Variants in DRC9 observed in about 807,000 individuals in gnomAD.
The protein encoded by DRC9 is dynein regulatory complex protein 9.
At chr3:197,957,073 G>A in the DRC9 span, 3 of 152,332 alleles carry the variant, frequency 2.0e-5, no homozygotes, top group East Asian at 5.8e-4. Context: ...TAGGATAAGA[G>A]GGTGAAAGAA....
At chr3:197,911,402 C>T in the DRC9 span, among the ~76,000 whole-genome samples, 542 of 152,142 alleles carry the variant, frequency 3.6e-3, 6 homozygotes, top group African/African-American at 0.012. Flanking sequence ...TGAAGAAAAA[C>T]AGTTCTTTGG....
At chr3:197,940,381 G>GA in the DRC9 span, among the ~76,000 whole-genome samples, 1 of 151,222 alleles carries the variant, frequency 6.6e-6, no homozygotes, top group Non-Finnish European at 1.5e-5. Context: ...TTACCGTAAG[G>GA]AAAAAGAGAA....
chr3:197,910,859 C>T, the DRC9 span, among the ~76,000 whole-genome samples: 1 of 152,038 alleles, frequency 6.6e-6, no homozygotes, highest in Admixed American at 6.5e-5. Flanking sequence ...GTAATCCCAG[C>T]TACTCAGGAG....
At chr3:197,897,258 C>T in the DRC9 span, among the ~76,000 whole-genome samples, 74 of 151,814 alleles carry the variant, frequency 4.9e-4, no homozygotes, top group African/African-American at 1.8e-3. Context: ...AGAGATAAAA[C>T]AACCAGAGCA....
the DRC9 span, chr3:197,955,722 A>C: frequency 1.9e-6 from 3 of 1,574,984 alleles, no homozygotes; most frequent in African/African-American, 1.4e-5. Flanking sequence ...ACATTCACCT[A>C]ATGTTTTGTG....
chr3:197,924,028 A>C, the DRC9 span, among the ~76,000 whole-genome samples: 1 of 152,182 alleles, frequency 6.6e-6, no homozygotes, highest in Admixed American at 6.6e-5. Flanking sequence ...ATTGCACTCC[A>C]GCCTGAGTGA....
chr3:197,922,532 C>G, the DRC9 span, among the ~76,000 whole-genome samples: 2 of 151,882 alleles, frequency 1.3e-5, no homozygotes, highest in African/African-American at 4.8e-5. Flanking sequence ...ATGGTGAAAC[C>G]CCATCTCTAC....
chr3:197,934,837 A>G, the DRC9 span, among the ~76,000 whole-genome samples: 2 of 138,318 alleles, frequency 1.4e-5, no homozygotes, highest in Non-Finnish European at 3.1e-5. Flanking sequence ...AAAAAAAAAA[A>G]GGCTGGTCAT....
At chr3:197,956,243 C>T in the DRC9 span, 1 of 183,882 alleles carries the variant, frequency 5.4e-6, no homozygotes, top group Non-Finnish European at 1.2e-5. Flanking sequence ...TATGAGCCAC[C>T]ACACCTGCCA....
At chr3:197,907,854 A>C in the DRC9 span, among the ~76,000 whole-genome samples, 2 of 137,908 alleles carry the variant, frequency 1.5e-5, no homozygotes, top group African/African-American at 2.8e-5. Context: ...AACCCTTTCC[A>C]AGGCACCCTC....
chr3:197,896,595 C>T, the DRC9 span, among the ~76,000 whole-genome samples: 1 of 152,180 alleles, frequency 6.6e-6, no homozygotes, highest in Non-Finnish European at 1.5e-5. Flanking sequence ...CTGGGCGGCT[C>T]ATAAACAAAT....
the DRC9 span, among the ~76,000 whole-genome samples, chr3:197,931,094 T>TAAAAA: frequency 6.7e-6 from 1 of 149,924 alleles, no homozygotes; most frequent in Admixed American, 6.6e-5. Flanking sequence ...GTTAAGGAAA[T>TAAAAA]CTCTCTAAGA....
chr3:197,897,636 G>A, the DRC9 span, among the ~76,000 whole-genome samples: 2 of 152,214 alleles, frequency 1.3e-5, no homozygotes, highest in Admixed American at 1.3e-4. Context: ...CTGACAGCTA[G>A]ACTAATAGAC....
chr3:197,899,061 C>T, the DRC9 span, among the ~76,000 whole-genome samples: 4 of 151,966 alleles, frequency 2.6e-5, no homozygotes, highest in African/African-American at 9.7e-5. Flanking sequence ...TTAGATGAAA[C>T]AGATTATTTT....
At chr3:197,951,092 GGGTGATTACAAGTCAGATT>G in the DRC9 span, 1 of 1,607,796 alleles carries the variant, frequency 6.2e-7, no homozygotes. Flanking sequence ...TTTTGGGTGG[GGGTGATTACAAGTCAGATT>G]GGTTTTTTGA....
At chr3:197,892,501 T>A in the DRC9 span, 1 of 1,203,272 alleles carries the variant, frequency 8.3e-7, no homozygotes, top group Non-Finnish European at 1.2e-6. Flanking sequence ...CACTCCTTCC[T>A]CGGTGAGCAC....
the DRC9 span, among the ~76,000 whole-genome samples, chr3:197,924,918 A>C: frequency 6.6e-6 from 1 of 152,192 alleles, no homozygotes. Context: ...TTGTTTTGCA[A>C]GTCAATTCCT....
At chr3:197,899,006 A>T in the DRC9 span, among the ~76,000 whole-genome samples, 1 of 152,260 alleles carries the variant, frequency 6.6e-6, no homozygotes, top group Admixed American at 6.5e-5. Flanking sequence ...ATTGTAAAAA[A>T]AACTATAGGG....
the DRC9 span, among the ~76,000 whole-genome samples, chr3:197,953,164 T>A: frequency 6.6e-6 from 1 of 152,238 alleles, no homozygotes; most frequent in Non-Finnish European, 1.5e-5. Context: ...TTAAAATCTC[T>A]GGGAAAGTGT....
Sources: gnomAD v4.1 joint callset for allele counts (sites outside exome capture counted in the v4.1 genomes callset) on GRCh38, gnomAD v4.1.1 for gene constraint, MANE v1.5 for transcripts, NCBI Gene and HGNC (gene_info 2026-07-23, HGNC 2026-07-21) for gene names.